HOXC4: variants seen among roughly 807,000 people sequenced by gnomAD.
HOXC4 encodes the protein homeobox C4.
HOXC4 carries 15 observed loss-of-function variants against 25.5 expected under a neutral mutation model. The observed-to-expected ratio is 0.59, with a 90% CI of 0.39 to 0.91. HOXC4 has a LOEUF of 0.91. Among genes scored for constraint, HOXC4 ranks in the 40% least tolerant of loss-of-function variants. The pLI, the probability that HOXC4 is intolerant of heterozygous loss-of-function variation, is 0.00. For synonymous variants in HOXC4, 165 were observed against 148.0 expected, an observed-to-expected ratio of 1.11 and a Z score of -0.83; for missense variants, 342 against 352.4, an observed-to-expected ratio of 0.97 and a Z score of 0.24.
chr12:54,034,654 C>A lies in HOXC4; in HGVS notation c.-124+17240C>A, dbSNP rs1941133885. On this transcript the variant is annotated intron_variant, in intron 1 of 3. Coordinates refer to the HOXC4 transcript ENST00000303406. ...GCGCTTTTCCTTGGCATTCCGCATC[C>A]CTACCGACCCAGGGTTCCCGCGGGG... 15 of 623,274 alleles carry A rather than the reference C, an allele frequency of 2.4e-5. No homozygotes were observed. In the South Asian group the frequency reaches 3.0e-4, roughly 12 times the overall value. The allele number at this position is 623,274 out of a possible 1,614,324, so 38.6% of individuals were successfully genotyped here. A position where few individuals can be genotyped will look rare whatever the true frequency, so the allele number is the denominator to read the frequency against.
intron 1 of HOXC4, chr12:54,022,560 T>A (rs1940498410): frequency 6.6e-6 from 1 of 152,188 alleles, no homozygotes. Flanking sequence ...TTCTTTCAGA[T>A]CTGCAAACAA....
chr12:54,028,569 G>A, intron 1 of HOXC4: 11 of 1,614,042 alleles, frequency 6.8e-6, no homozygotes, highest in Non-Finnish European at 9.3e-6. Flanking sequence ...ACCTCGCCGG[G>A]GGCCAGGACG....
intron 1 of HOXC4, among the ~76,000 whole-genome samples, chr12:54,042,310 GAC>G (rs1159917174): frequency 1.3e-5 from 2 of 152,172 alleles, no homozygotes; most frequent in Non-Finnish European, 2.9e-5. Flanking sequence ...AGAATTAAAG[GAC>G]ACACTTATTC....
chr12:54,027,092 C>G (rs1449635784), intron 1 of HOXC4, among the ~76,000 whole-genome samples: 1 of 152,212 alleles, frequency 6.6e-6, no homozygotes, highest in African/African-American at 2.4e-5. Flanking sequence ...GAGAAAACCC[C>G]CATCTGCACA....
chr12:54,034,843 C>G (rs1015299397), intron 1 of HOXC4: 4 of 304,584 alleles, frequency 1.3e-5, no homozygotes, highest in East Asian at 7.9e-5. Context: ...GCGGCCCTCC[C>G]GAGTTAAGGT....
In HOXC4 at chr12:54,053,994, G is replaced by A; in HGVS notation, c.72G>A (p.Ser24=). The change falls in exon 1 of 2, where the codon TCG becomes TCA. Residue 24 remains serine, a synonymous_variant. Coordinates refer to ENST00000430889, the MANE Select transcript of HOXC4 (RefSeq NM_153633.3). Reference sequence around the variant, plus strand: ...AATTTCCTCCATGCGAAGAATATTCGCAAAATAGCTACATCCCTGAACACA... The same window carrying A: ...AATTTCCTCCATGCGAAGAATATTCACAAAATAGCTACATCCCTGAACACA... ...DPKFPPCEEY[S]QNSYIPEHSP... 1.2e-6 allele frequency: 2 copies of A among 1,614,082 alleles called. No homozygotes were observed. Among genetic ancestry groups the A allele is most frequent in the South Asian group, 2.2e-5 (2 of 91,076 alleles).
At chr12:54,026,944 C>CG (rs972777789) in intron 1 of HOXC4, among the ~76,000 whole-genome samples, 1 of 136,488 alleles carries the variant, frequency 7.3e-6, no homozygotes, top group African/African-American at 2.9e-5. Context: ...TTTCCCCCCC[C>CG]CCAACCCACC....
chr12:54,028,261 A>ATT (rs770385019), intron 1 of HOXC4: 8 of 213,930 alleles, frequency 3.7e-5, no homozygotes, highest in African/African-American at 1.9e-4. Flanking sequence ...ATATATATAT[A>ATT]TATATATTTT....
intron 1 of HOXC4, chr12:54,028,505 C>A: frequency 6.2e-7 from 1 of 1,608,856 alleles, no homozygotes; most frequent in Non-Finnish European, 8.5e-7. Context: ...ATAGACCGAC[C>A]AGGTAAAGGC....
intron 1 of HOXC4, among the ~76,000 whole-genome samples, chr12:54,043,056 G>C (rs1448143007): frequency 6.6e-6 from 1 of 152,200 alleles, no homozygotes; most frequent in East Asian, 1.9e-4. Context: ...CAGAGGAAGC[G>C]GTATGGGTGT....
At chr12:54,051,833 C>T (rs536951202), upstream of HOXC4, among the ~76,000 whole-genome samples, 10 of 152,312 alleles carry the variant, frequency 6.6e-5, no homozygotes, top group South Asian at 2.1e-3. Flanking sequence ...GGCTGTGGGT[C>T]CAGCTTCCCT....
intron 1 of HOXC4, among the ~76,000 whole-genome samples, chr12:54,041,009 G>A (rs1444636647): frequency 1.4e-5 from 2 of 144,212 alleles, no homozygotes; most frequent in East Asian, 2.3e-4. Context: ...ATAGTTGATG[G>A]ATTTGTTTAA....
At chr12:54,047,304 T>G (rs1210122259) in intron 1 of HOXC4, among the ~76,000 whole-genome samples, 1 of 152,196 alleles carries the variant, frequency 6.6e-6, no homozygotes, top group Admixed American at 6.5e-5. Context: ...GAGCACAAAA[T>G]AATTCAGAAA....
At chr12:54,027,608 C>T (rs935634192) in intron 1 of HOXC4, among the ~76,000 whole-genome samples, 7 of 151,840 alleles carry the variant, frequency 4.6e-5, no homozygotes, top group African/African-American at 1.7e-4. Context: ...CACCTCCCTA[C>T]ATTTTACTTC....
rs929503819 is a variant in HOXC4, at chr12:54,055,925, T to G, written c.*720T>G. ...ACCCCTATCGTGGTTATTGTGTTTT[T>G]GGACTGAATTTACTTGATTATTGTA... is the stretch of plus-strand genomic sequence containing the variant. On this transcript the variant is annotated 3_prime_UTR_variant, in exon 2 of 2. Coordinates refer to ENST00000430889, the MANE Select transcript of HOXC4 (RefSeq NM_153633.3). The G allele has an allele frequency of 1.1e-4, 17 of 152,790 alleles. No homozygotes were observed. In the East Asian group the frequency reaches 3.3e-3, roughly 29 times the overall value. The allele number at this position is 152,790 out of a possible 1,614,324, so 9.5% of individuals were successfully genotyped here. A position where few individuals can be genotyped will look rare whatever the true frequency, so the allele number is the denominator to read the frequency against.
intron 1 of HOXC4, among the ~76,000 whole-genome samples, chr12:54,024,356 C>G (rs1477350171): frequency 6.6e-6 from 1 of 152,102 alleles, no homozygotes; most frequent in African/African-American, 2.4e-5. Context: ...CCCGAGCAGC[C>G]TCAGGAGGCA....
upstream of HOXC4, among the ~76,000 whole-genome samples, chr12:54,051,973 T>TC: frequency 6.6e-6 from 1 of 152,278 alleles, no homozygotes; most frequent in Non-Finnish European, 1.5e-5. Context: ...ATTTTTTTTT[T>TC]CCCTTTCCCC....
intron 1 of HOXC4, among the ~76,000 whole-genome samples, chr12:54,023,284 G>T (rs180800157): frequency 6.6e-6 from 1 of 152,194 alleles, no homozygotes; most frequent in Non-Finnish European, 1.5e-5. Flanking sequence ...CCTATTTTAC[G>T]TTTTAACCTT....
chr12:54,049,747 T>TACACAC (rs10590659), upstream of HOXC4, among the ~76,000 whole-genome samples: 11 of 125,768 alleles, frequency 8.7e-5, no homozygotes, highest in South Asian at 2.8e-4. Flanking sequence ...GACAAACACA[T>TACACAC]ACACACACAC....
Sources: gnomAD v4.1 joint callset for allele counts (sites outside exome capture counted in the v4.1 genomes callset) on GRCh38, gnomAD v4.1.1 for gene constraint, MANE v1.5 for transcripts, NCBI Gene and HGNC (gene_info 2026-07-23, HGNC 2026-07-21) for gene names.